The following PHACTR1 variants were observed in gnomAD, a reference collection of about 807,000 sequenced individuals.
PHACTR1 encodes the protein RPEL repeat containing 1.
In PHACTR1, 16 loss-of-function variants were observed where a neutral mutation model predicts 69.2. The observed-to-expected ratio is 0.23, with a 90% CI of 0.16 to 0.35. PHACTR1 has a LOEUF of 0.35. Among genes scored for constraint, PHACTR1 ranks in the 10% least tolerant of loss-of-function variants. PHACTR1 has a pLI of 1.00. For synonymous variants in PHACTR1, 312 were observed against 284.5 expected (o/e 1.10, Z -0.97); for missense variants, 510 against 734.7 (o/e 0.69, Z 3.54).
intron 7 of PHACTR1, among the ~76,000 whole-genome samples, chr6:13,204,951 A>T (rs780391599): frequency 1.3e-5 from 2 of 152,222 alleles, no homozygotes; most frequent in African/African-American, 4.8e-5. Context: ...TGTTCACATC[A>T]TAATGGCAAA....
intron 4 of PHACTR1, among the ~76,000 whole-genome samples, chr6:13,009,332 G>A (rs1582944228): frequency 6.6e-6 from 1 of 152,076 alleles, no homozygotes; most frequent in African/African-American, 2.4e-5. Context: ...CATAGAAGCA[G>A]GGTAGAAATT....
chr6:12,866,400 C>T (rs757138756), intron 4 of PHACTR1, among the ~76,000 whole-genome samples: 4 of 152,116 alleles, frequency 2.6e-5, no homozygotes, highest in Non-Finnish European at 2.9e-5. Context: ...CCCACCCTTC[C>T]ACCCACATCC....
At chr6:12,824,617 A>G (rs1776585405) in intron 4 of PHACTR1, among the ~76,000 whole-genome samples, 1 of 152,246 alleles carries the variant, frequency 6.6e-6, no homozygotes, top group South Asian at 2.1e-4. Flanking sequence ...TAGAGGGGGT[A>G]GTGAAGAAAG....
At chr6:12,877,508 G>A (rs775073107) in intron 4 of PHACTR1, among the ~76,000 whole-genome samples, 5 of 152,058 alleles carry the variant, frequency 3.3e-5, no homozygotes, top group South Asian at 2.1e-4. Context: ...ACTGTATACC[G>A]GAGCATCCAG....
At chr6:12,785,261 T>C (rs976127697) in intron 4 of PHACTR1, among the ~76,000 whole-genome samples, 1 of 152,112 alleles carries the variant, frequency 6.6e-6, no homozygotes, top group Non-Finnish European at 1.5e-5. Context: ...ATAACTGTCA[T>C]TGTAGTTTTT....
chr6:13,065,830 C>T (rs945297790), intron 5 of PHACTR1, among the ~76,000 whole-genome samples: 1 of 151,992 alleles, frequency 6.6e-6, no homozygotes, highest in Non-Finnish European at 1.5e-5. Context: ...TGCAAATAAT[C>T]AGAGCACTAG....
chr6:13,064,608 ATATATCTATC>A (rs1561776556), intron 5 of PHACTR1, among the ~76,000 whole-genome samples: 290 of 9,656 alleles, frequency 0.03, 68 homozygotes, highest in Non-Finnish European at 0.036. Flanking sequence ...ATATATATCT[ATATATCTATC>A]TATCCACACT....
chr6:12,775,508 G>A (rs1769952453), intron 4 of PHACTR1, among the ~76,000 whole-genome samples: 1 of 152,078 alleles, frequency 6.6e-6, no homozygotes. Flanking sequence ...GTACCATGGT[G>A]GCAAAGGCTA....
intron 4 of PHACTR1, among the ~76,000 whole-genome samples, chr6:12,926,452 A>C (rs1788275123): frequency 6.6e-6 from 1 of 152,154 alleles, no homozygotes; most frequent in Admixed American, 6.5e-5. Context: ...CCTCACATGA[A>C]TTCTAGATCC....
At chr6:12,785,845 T>C (rs1420545155) in intron 4 of PHACTR1, among the ~76,000 whole-genome samples, 2 of 152,220 alleles carry the variant, frequency 1.3e-5, no homozygotes, top group African/African-American at 4.8e-5. Flanking sequence ...TCATTCATCA[T>C]AGCTTTATTT....
intron 5 of PHACTR1, among the ~76,000 whole-genome samples, chr6:13,055,286 G>A (rs972249670): frequency 1.3e-5 from 2 of 152,058 alleles, no homozygotes; most frequent in African/African-American, 4.8e-5. Flanking sequence ...CTCAGTCATC[G>A]TGCTGGTTCC....
At chr6:13,232,905 C>T (rs981763242) in intron 10 of PHACTR1, among the ~76,000 whole-genome samples, 2 of 152,172 alleles carry the variant, frequency 1.3e-5, no homozygotes, top group South Asian at 2.1e-4. Flanking sequence ...AGCTCTGCTA[C>T]AGTACAAGGA....
At position 12,833,267 on chromosome 6, in the gene PHACTR1, CT is replaced by C. The variant is rs560126641; in HGVS notation, c.250+83486del. On this transcript the variant is annotated intron_variant, in intron 4 of 14. Transcript: ENST00000332995. ...CACAAACCTGTAGTTCTTTTTTTTT[CT>C]TTTTTTTTGAGATGGAGTCCTGCTC... is the stretch of plus-strand genomic sequence containing the variant. 4.4e-4 allele frequency among the ~76,000 whole-genome samples: 66 copies of C among 149,136 alleles called. No homozygotes were observed. In the South Asian group the frequency reaches 0.012, roughly 28 times the overall value.
chr6:12,926,005 G>C (rs141469002), intron 4 of PHACTR1, among the ~76,000 whole-genome samples: 1 of 151,586 alleles, frequency 6.6e-6, no homozygotes, highest in Non-Finnish European at 1.5e-5. Flanking sequence ...TCTATATTCC[G>C]TCTTCCACGT....
intron 4 of PHACTR1, among the ~76,000 whole-genome samples, chr6:13,046,811 A>T (rs1342947916): frequency 3.3e-5 from 2 of 59,792 alleles, no homozygotes; most frequent in Non-Finnish European, 5.6e-5. Flanking sequence ...TTACTCTTTA[A>T]AAAAAAAAAA....
chr6:12,891,504 T>A (rs1784169754), intron 4 of PHACTR1, among the ~76,000 whole-genome samples: 1 of 152,198 alleles, frequency 6.6e-6, no homozygotes, highest in African/African-American at 2.4e-5. Flanking sequence ...TTGAAGATGC[T>A]ATGTGACTCA....
intron 6 of PHACTR1, among the ~76,000 whole-genome samples, chr6:13,170,527 G>A (rs542779598): frequency 1.3e-5 from 2 of 152,288 alleles, no homozygotes; most frequent in South Asian, 4.1e-4. Flanking sequence ...TGGAAAGCCA[G>A]CCAAACTTTG....
chr6:13,094,192 ATT>A (rs1813758979), intron 5 of PHACTR1, among the ~76,000 whole-genome samples: 1 of 151,512 alleles, frequency 6.6e-6, no homozygotes, highest in Non-Finnish European at 1.5e-5. Flanking sequence ...GCTATTTTTT[ATT>A]TTAGGTTAAA....
At chr6:13,232,170 A>G (rs1771322725) in intron 10 of PHACTR1, among the ~76,000 whole-genome samples, 1 of 152,230 alleles carries the variant, frequency 6.6e-6, no homozygotes, top group Non-Finnish European at 1.5e-5. Flanking sequence ...ATAGCAAGCA[A>G]TCAGTTACCT....
Sources: allele counts gnomAD v4.1 joint callset (sites outside exome capture counted in the v4.1 genomes callset), GRCh38; gene constraint gnomAD v4.1.1; transcripts MANE v1.5; gene names NCBI Gene and HGNC (gene_info 2026-07-23, HGNC 2026-07-21).